The following ASIC2 variants were observed in gnomAD, a reference collection of about 807,000 sequenced individuals.
ASIC2 encodes the protein acid-sensing ion channel 2.
Under a neutral mutation model 57.3 loss-of-function variants are expected in ASIC2, and 25 were observed. That is an observed-to-expected ratio of 0.44 (90% CI 0.32 to 0.61). The LOEUF is 0.61. Among genes scored for constraint, ASIC2 ranks in the 20% least tolerant of loss-of-function variants. The probability of loss-of-function intolerance (pLI) is 0.06; values close to 1 mark genes in which losing one functional copy is unlikely to be tolerated. For missense variants in ASIC2, 641 were observed against 738.1 expected (o/e 0.87, Z 1.52); for synonymous variants, 319 against 307.5 (o/e 1.04, Z -0.39).
At chr17:33,176,482 G>C (rs1030812238) in intron 1 of ASIC2, among the ~76,000 whole-genome samples, 9 of 152,128 alleles carry the variant, frequency 5.9e-5, no homozygotes, top group Non-Finnish European at 1.3e-4. Context: ...GTAGCTGGGA[G>C]GCATACACCA....
chr17:33,371,648 C>T (rs1174622525), intron 1 of ASIC2, among the ~76,000 whole-genome samples: 7 of 152,018 alleles, frequency 4.6e-5, no homozygotes, highest in East Asian at 1.9e-4. Context: ...GGAATTCAAA[C>T]GATGTGACAT....
chr17:33,371,574 T>C (rs933750950), intron 1 of ASIC2, among the ~76,000 whole-genome samples: 10 of 152,228 alleles, frequency 6.6e-5, no homozygotes, highest in African/African-American at 2.4e-4. Context: ...CTGTGTGACG[T>C]AGTCTTATTC....
chr17:33,421,377 C>G lies in ASIC2; in HGVS notation c.556-309310G>C, dbSNP rs539459824. ...AAGTCCCATCCATATCCTTGATGATCTGTGTGCACTTGGGGAAGTCAGTTC... is the reference window on the plus strand; with the variant it reads ...AAGTCCCATCCATATCCTTGATGATGTGTGTGCACTTGGGGAAGTCAGTTC... On this transcript the variant is annotated intron_variant, in intron 1 of 9. Transcript: ENST00000359872. Among the ~76,000 whole-genome samples the G allele has an allele frequency of 7.2e-5, 11 of 152,316 alleles. No individual in the cohort carries two copies. The South Asian group carries it at 1.5e-3, about 20-fold the overall frequency.
At chr17:34,060,824 CA>C (rs1203197479) in intron 1 of ASIC2, among the ~76,000 whole-genome samples, 2 of 151,996 alleles carry the variant, frequency 1.3e-5, no homozygotes, top group Non-Finnish European at 2.9e-5. Context: ...AAAATATGAA[CA>C]AAGCTTCCAA....
chr17:34,019,933 T>G lies in ASIC2; in HGVS notation c.555+136045A>C, dbSNP rs117433791. 2.2e-3 allele frequency among the ~76,000 whole-genome samples: 336 copies of G among 152,308 alleles called. 7 individuals are homozygous for G. The East Asian group carries it at 0.048, about 22-fold the overall frequency. On this transcript the variant is annotated intron_variant, in intron 1 of 9. Transcript: ENST00000359872. ...GTCTTCATGGTCTTTCATCTCAGACTTCTTTATGGTATGATCTCCAGGTTC... is the reference window on the plus strand; with the variant it reads ...GTCTTCATGGTCTTTCATCTCAGACGTCTTTATGGTATGATCTCCAGGTTC...
At chr17:33,816,997 C>T (rs1162530522) in intron 1 of ASIC2, among the ~76,000 whole-genome samples, 1 of 152,244 alleles carries the variant, frequency 6.6e-6, no homozygotes, top group Admixed American at 6.5e-5. Flanking sequence ...CTCTGCTGAG[C>T]TCACACCGCC....
intron 1 of ASIC2, chr17:34,079,109 C>T (rs2142076631): frequency 6.6e-6 from 1 of 152,372 alleles, no homozygotes; most frequent in Middle Eastern, 3.4e-3. Context: ...TCAGTTGAAT[C>T]TCCACATTTC....
chr17:33,325,585 A>C (rs1907042778), intron 1 of ASIC2, among the ~76,000 whole-genome samples: 1 of 152,128 alleles, frequency 6.6e-6, no homozygotes, highest in Non-Finnish European at 1.5e-5. Flanking sequence ...GGGTGCGAAG[A>C]CTTAGAAAGT....
Position 33,464,476 on chromosome 17 carries a change from T to C in ASIC2, c.556-352409A>G, listed in dbSNP as rs1441856459. On this transcript the variant is annotated intron_variant, in intron 1 of 9. Coordinates refer to the ASIC2 transcript ENST00000359872. ...CTTTTTCTCTTTCTTTCTTTCTTTC[T>C]TTTCTCTCTTTCTTTCTTTCTTTCT... Among the ~76,000 whole-genome samples, 18 of 71,958 alleles carry C rather than the reference T, an allele frequency of 2.5e-4. No homozygotes were observed. The East Asian group carries it at 3.3e-3, about 13-fold the overall frequency. 47.2% of individuals were successfully genotyped at this position (71,958 alleles called of 152,430 possible). A position where few individuals can be genotyped will look rare whatever the true frequency, so the allele number is the denominator to read the frequency against.
intron 1 of ASIC2, among the ~76,000 whole-genome samples, chr17:33,717,772 C>T (rs1010838644): frequency 1.3e-5 from 2 of 152,172 alleles, no homozygotes; most frequent in African/African-American, 4.8e-5. Context: ...GGGGCCTCCT[C>T]TCTAGGATGT....
intron 1 of ASIC2, among the ~76,000 whole-genome samples, chr17:33,418,585 A>G (rs910272457): frequency 3.3e-5 from 5 of 152,162 alleles, no homozygotes; most frequent in Non-Finnish European, 5.9e-5. Flanking sequence ...CTTTCTGCAT[A>G]TGGCTAGCCA....
intron 1 of ASIC2, among the ~76,000 whole-genome samples, chr17:34,060,299 G>A (rs1028089452): frequency 2.6e-5 from 4 of 152,164 alleles, no homozygotes; most frequent in East Asian, 1.9e-4. Flanking sequence ...AAGGGGAAGC[G>A]TACTATATCA....
intron 1 of ASIC2, chr17:34,037,890 T>A: frequency 6.2e-7 from 1 of 1,613,884 alleles, no homozygotes; most frequent in Non-Finnish European, 8.5e-7. Context: ...TGAGACTGGT[T>A]ATGGCCAAAA....
chr17:33,821,317 G>C (rs1434314174), intron 1 of ASIC2, among the ~76,000 whole-genome samples: 1 of 152,148 alleles, frequency 6.6e-6, no homozygotes, highest in Non-Finnish European at 1.5e-5. Context: ...CATCTTACTG[G>C]TTCAAAACAT....
chr17:33,427,534 C>G (rs1911259361), intron 1 of ASIC2, among the ~76,000 whole-genome samples: 1 of 152,074 alleles, frequency 6.6e-6, no homozygotes, highest in South Asian at 2.1e-4. Context: ...TGAGAGGGAC[C>G]CAAAATCTCC....
At chr17:34,083,503 A>G (rs967681544) in intron 1 of ASIC2, among the ~76,000 whole-genome samples, 3 of 151,806 alleles carry the variant, frequency 2.0e-5, no homozygotes, top group Admixed American at 6.6e-5. Context: ...GTGTCTTTAT[A>G]GCAGCATGAT....
chr17:33,060,226 C>T (rs139184550), intron 3 of ASIC2, among the ~76,000 whole-genome samples: 15 of 152,150 alleles, frequency 9.9e-5, no homozygotes, highest in Admixed American at 4.6e-4. Context: ...TTAGACATGA[C>T]GTCCTTGCCC....
chr17:33,648,108 G>A (rs1906802485), intron 1 of ASIC2, among the ~76,000 whole-genome samples: 1 of 152,244 alleles, frequency 6.6e-6, no homozygotes. Flanking sequence ...GTGAGCTGAA[G>A]ATGAGGTGAA....
intron 1 of ASIC2, among the ~76,000 whole-genome samples, chr17:33,171,686 G>C (rs1325643835): frequency 6.6e-6 from 1 of 152,130 alleles, no homozygotes; most frequent in Non-Finnish European, 1.5e-5. Flanking sequence ...AGTGCTCAAG[G>C]GCTTTCCATT....
Sources: allele counts gnomAD v4.1 joint callset (sites outside exome capture counted in the v4.1 genomes callset), GRCh38; gene constraint gnomAD v4.1.1; transcripts MANE v1.5; gene names NCBI Gene and HGNC (gene_info 2026-07-23, HGNC 2026-07-21).